Variants in AANAT observed in about 807,000 individuals in gnomAD.
AANAT encodes the protein serotonin N-acetyltransferase.
Under a neutral mutation model 15.6 loss-of-function variants are expected in AANAT, and 11 were observed. The ratio of observed to expected loss-of-function variants is 0.71; its 90% confidence interval spans 0.44 to 1.17. The LOEUF is 1.17. Among genes scored for constraint, AANAT ranks in the 50% most tolerant of loss-of-function variants. The pLI, the probability that AANAT is intolerant of heterozygous loss-of-function variation, is 0.00. For synonymous variants in AANAT, 139 were observed against 131.5 expected, an observed-to-expected ratio of 1.06 and a Z score of -0.39; for missense variants, 286 against 296.3, an observed-to-expected ratio of 0.97 and a Z score of 0.26.
upstream of AANAT, among the ~76,000 whole-genome samples, chr17:76,463,414 TCTC>T (rs1242397112): frequency 6.0e-5 from 9 of 150,276 alleles, no homozygotes; most frequent in East Asian, 1.8e-3. Flanking sequence ...TTCCAGCAAT[TCTC>T]CTGCCTCAGC....
chr17:76,457,019 G>T (rs2073348595), intron 1 of AANAT, among the ~76,000 whole-genome samples: 1 of 152,074 alleles, frequency 6.6e-6, no homozygotes, highest in South Asian at 2.1e-4. Flanking sequence ...GTGTCCCACG[G>T]CGGGATAAGG....
At chr17:76,459,795 A>G (rs1022405275) in intron 2 of AANAT, among the ~76,000 whole-genome samples, 2 of 152,228 alleles carry the variant, frequency 1.3e-5, no homozygotes, top group Non-Finnish European at 2.9e-5. Flanking sequence ...CCAACTGAAT[A>G]TAACGTGCTT....
chr17:76,460,178 T>G (rs1321316192), intron 2 of AANAT, among the ~76,000 whole-genome samples: 1 of 131,410 alleles, frequency 7.6e-6, no homozygotes, highest in Non-Finnish European at 1.6e-5. Flanking sequence ...AGACAGAGTC[T>G]CTCTCTGTTG....
chr17:76,456,157 C>A (rs1488360615), intron 1 of AANAT, among the ~76,000 whole-genome samples: 1 of 151,762 alleles, frequency 6.6e-6, no homozygotes, highest in African/African-American at 2.4e-5. Flanking sequence ...CATGGAGAAA[C>A]CCCATCTCTA....
At chr17:76,453,908 G>A (rs1230052561) in intron 1 of AANAT, 1 of 152,206 alleles carries the variant, frequency 6.6e-6, no homozygotes, top group Non-Finnish European at 1.5e-5. Flanking sequence ...TGGGGACCAC[G>A]GATTCCAATT....
rs2073507067 is a variant in AANAT, at chr17:76,469,978, T to C, written c.*8T>C. 2 of 1,460,890 alleles carry C rather than the reference T, an allele frequency of 1.4e-6. No homozygotes were observed. Among genetic ancestry groups the C allele is most frequent in the Non-Finnish European group, 1.8e-6 (2 of 1,102,030 alleles). The allele number at this position is 1,460,890 out of a possible 1,614,324, so 90.5% of individuals were successfully genotyped here. ...AGGAACAGCGGCTGCTGAACTGGGC[T>C]GCCCACCTGGCTGCCAACATGATCC... On this transcript the variant is annotated 3_prime_UTR_variant, in exon 4 of 4. Coordinates refer to ENST00000392492, the MANE Select transcript of AANAT (RefSeq NM_001088.3). This position sits in a 1 kb window ranked among gnomAD's most constrained non-coding sequence, Gnocchi z 5.2.
chr17:76,468,815 C>G lies in AANAT; in HGVS notation c.69C>G (p.Ser23=), dbSNP rs1459066494. 6.2e-7 allele frequency: 1 copy of G among 1,613,556 alleles called. No homozygotes were observed. The highest frequency in any genetic ancestry group is 1.1e-5 in the South Asian group (1 of 91,066). ...GTCTGCCACCTGGGATCCCCGAGTC[C>G]CCGAGCTGTCAGCGGCGCCACACAC... The part of the protein sequence containing the change: ...APRLPPGIPE[S]PSCQRRHTLP... Residue 23 remains serine, a synonymous_variant, in exon 2 of 4, where the codon TCC becomes TCG. Transcript: ENST00000392492.
chr17:76,468,077 T>C (rs1041508414), intron 1 of AANAT, among the ~76,000 whole-genome samples: 1 of 150,584 alleles, frequency 6.6e-6, no homozygotes, highest in Non-Finnish European at 1.5e-5. Context: ...TCTGAGGCCA[T>C]CTGGATAGAA....
chr17:76,465,495 T>C (rs3760137), upstream of AANAT, among the ~76,000 whole-genome samples: 59,098 of 151,676 alleles, frequency 0.39, 12,791 homozygotes, highest in Non-Finnish European at 0.48. Context: ...GCCACCATGC[T>C]TGGCTGATTT....
intron 1 of AANAT, among the ~76,000 whole-genome samples, chr17:76,454,198 C>T (rs1330201795): frequency 1.3e-5 from 2 of 152,084 alleles, no homozygotes; most frequent in Non-Finnish European, 2.9e-5. Context: ...AAAAGTAGGC[C>T]GGGCGCGGCA....
At chr17:76,467,817 C>A in intron 1 of AANAT, 90 bp downstream of exon 1, 2 of 844,040 alleles carry the variant, frequency 2.4e-6, no homozygotes, top group Non-Finnish European at 2.9e-6. Context: ...AACATGGAAG[C>A]CATGGAGTTT....
upstream of AANAT, among the ~76,000 whole-genome samples, chr17:76,465,165 G>A (rs2073425279): frequency 6.6e-6 from 1 of 152,066 alleles, no homozygotes; most frequent in East Asian, 1.9e-4. Flanking sequence ...GGGGGCAAAG[G>A]ACACATTCTC....
In AANAT at chr17:76,469,252, C is replaced by A; in HGVS notation, c.243C>A (p.Ser81=). The A allele has an allele frequency of 6.2e-7, 1 of 1,614,160 alleles. No individual in the cohort carries two copies. Among genetic ancestry groups the A allele is most frequent in the Admixed American group, 1.7e-5 (1 of 60,028 alleles). Residue 81 remains serine, a synonymous_variant, in exon 3 of 4, where the codon TCC becomes TCA. Transcript: ENST00000392492. This position sits in a 1 kb window ranked among gnomAD's most constrained non-coding sequence, Gnocchi z 5.2. ...TCCTGACCCTATGTCCAGAGCTGTC[C>A]CTGGGCTGGTTCGAGGAGGGCTGCC... The part of the protein sequence containing the change: ...RHFLTLCPEL[S]LGWFEEGCLV...
chr17:76,466,890 G>C (rs1176779037), upstream of AANAT, among the ~76,000 whole-genome samples: 1 of 152,166 alleles, frequency 6.6e-6, no homozygotes, highest in Non-Finnish European at 1.5e-5. Flanking sequence ...CTCTGCAGGG[G>C]GTCAAAAGAG....
In AANAT at chr17:76,468,870, C is replaced by T. The variant is rs1251921910; in HGVS notation, c.124C>T (p.Pro42Ser). 6.2e-7 allele frequency: 1 copy of T among 1,613,554 alleles called. No homozygotes were observed. Among genetic ancestry groups the T allele is most frequent in the Admixed American group, 1.7e-5 (1 of 60,002 alleles). The stretch of plus-strand genomic sequence containing the variant: ...TGCCAGTGAGTTTCGCTGCCTCACC[C>T]CGGAGGACGCTGTCAGCGCCTTTGA... ...LPASEFRCLT[P>S]EDAVSAFEIE... The change falls in exon 2 of 4, where the codon CCG (proline) becomes TCG (serine). Residue 42 changes from proline to serine, a missense_variant. Physicochemically the swap from Pro to Ser is moderately conservative, Grantham distance 74. Coordinates refer to ENST00000392492, the MANE Select transcript of AANAT (RefSeq NM_001088.3).
In AANAT at chr17:76,469,303, C is replaced by A; in HGVS notation, c.294C>A (p.Leu98=). The A allele has an allele frequency of 1.2e-6, 2 of 1,614,064 alleles. No individual in the cohort carries two copies. The highest frequency in any genetic ancestry group is 1.7e-6 in the Non-Finnish European group (2 of 1,180,016). ...TTGTGGCCTTCATCATCGGCTCGCT[C>A]TGGGACAAGGAGAGACTCATGCAGG... ...GCLVAFIIGS[L]WDKERLMQES... The change falls in exon 3 of 4, where the codon CTC becomes CTA. Residue 98 remains leucine (L), a synonymous_variant. Transcript: ENST00000392492. This position sits in a 1 kb window ranked among gnomAD's most constrained non-coding sequence, Gnocchi z 5.2.
chr17:76,466,680 T>C (rs2073441146), upstream of AANAT, among the ~76,000 whole-genome samples: 1 of 152,206 alleles, frequency 6.6e-6, no homozygotes, highest in African/African-American at 2.4e-5. Flanking sequence ...AGCAGGTTAC[T>C]GAACCTGTCT....
In AANAT at chr17:76,470,083, A is replaced by G. The variant is rs1410108002; in HGVS notation, c.*113A>G. The G allele has an allele frequency of 8.3e-7, 1 of 1,198,156 alleles. No individual in the cohort carries two copies. The highest frequency in any genetic ancestry group is 1.1e-6 in the Non-Finnish European group (1 of 896,670). The allele number at this position is 1,198,156 out of a possible 1,614,324, so 74.2% of individuals were successfully genotyped here. On this transcript the variant is annotated 3_prime_UTR_variant, in exon 4 of 4. Transcript: ENST00000392492. ...CAGAGAGTGGAGAGAGCAGGGCTAA[A>G]TAAAGAGGAGATAAGGTGGCTTCTC...
At chr17:76,466,475 G>A (rs775123061), upstream of AANAT, among the ~76,000 whole-genome samples, 1 of 152,158 alleles carries the variant, frequency 6.6e-6, no homozygotes, top group Non-Finnish European at 1.5e-5. Context: ...GTATGGGTAG[G>A]AACAGGAGCT....
Sources: gnomAD v4.1 joint callset for allele counts (sites outside exome capture counted in the v4.1 genomes callset) on GRCh38, gnomAD v4.1.1 for gene constraint, Gnocchi (gnomAD v3.1) non-coding constraint, MANE v1.5 for transcripts, NCBI Gene and HGNC (gene_info 2026-07-23, HGNC 2026-07-21) for gene names.